Variants in CRADD observed in about 807,000 individuals in gnomAD.
The protein encoded by CRADD is CARD and death domain containing adaptor protein, also known as death domain-containing protein CRADD.
A neutral mutation model predicts 15.5 loss-of-function variants in CRADD; 9 were observed. The observed-to-expected ratio is 0.58, with a 90% CI of 0.35 to 1.01. CRADD has a LOEUF of 1.01. Ranked by LOEUF, CRADD falls within the 50% of genes least tolerant of loss-of-function variation. The pLI is 0.02. For missense variants in CRADD, 227 were observed against 250.3 expected (o/e 0.91, Z 0.63); for synonymous variants, 118 against 107.6 (o/e 1.10, Z -0.60).
chr12:93,725,724 G>C (rs1031254449), intron 2 of CRADD, among the ~76,000 whole-genome samples: 7 of 152,208 alleles, frequency 4.6e-5, no homozygotes, highest in Non-Finnish European at 8.8e-5. Context: ...GTCTATTGTA[G>C]GTTGAGAAGC....
chr12:93,835,066 C>T (rs1356431294), intron 2 of CRADD, among the ~76,000 whole-genome samples: 2 of 152,174 alleles, frequency 1.3e-5, no homozygotes, highest in African/African-American at 4.8e-5. Context: ...CACTGGCCCC[C>T]CCATTGGTAT....
At chr12:93,852,070 T>C (rs1343604677), downstream of CRADD, among the ~76,000 whole-genome samples, 1 of 152,244 alleles carries the variant, frequency 6.6e-6, no homozygotes, top group African/African-American at 2.4e-5. Context: ...TTCATTATCT[T>C]ATAAAATTCT....
chr12:93,702,964 G>GT (rs1351583468), intron 2 of CRADD, among the ~76,000 whole-genome samples: 1 of 152,122 alleles, frequency 6.6e-6, no homozygotes, highest in Non-Finnish European at 1.5e-5. Flanking sequence ...CATTTATGTT[G>GT]TTTTGTTCAA....
chr12:93,886,999 A>G (rs535700662), intron 2 of CRADD, among the ~76,000 whole-genome samples: 2 of 152,326 alleles, frequency 1.3e-5, no homozygotes, highest in South Asian at 4.1e-4. Context: ...CTGAAGTTCA[A>G]GGAAGTTAGG....
intron 2 of CRADD, among the ~76,000 whole-genome samples, chr12:93,804,553 G>A (rs1033730025): frequency 2.6e-5 from 4 of 152,024 alleles, no homozygotes; most frequent in Admixed American, 2.0e-4. Context: ...GGTGTCTGCC[G>A]GAGTCATGGT....
chr12:93,813,126 G>A (rs565403300), intron 2 of CRADD, among the ~76,000 whole-genome samples: 6 of 152,324 alleles, frequency 3.9e-5, no homozygotes, highest in African/African-American at 1.2e-4. Context: ...AGCTGATAGA[G>A]CAGAAGGGAT....
chr12:93,711,055 C>CCCCCCCCCT, intron 2 of CRADD, among the ~76,000 whole-genome samples: 5 of 43,500 alleles, frequency 1.1e-4, no homozygotes, highest in South Asian at 1.3e-3. Flanking sequence ...CCACCCCCGC[C>CCCCCCCCCT]TTTTTTTTTT....
intron 2 of CRADD, among the ~76,000 whole-genome samples, chr12:93,797,215 G>A (rs1957428200): frequency 6.6e-6 from 1 of 152,162 alleles, no homozygotes; most frequent in African/African-American, 2.4e-5. Flanking sequence ...CTTTGAGAGT[G>A]AGGGGAACAC....
At chr12:93,726,702 T>G (rs10777535) in intron 2 of CRADD, among the ~76,000 whole-genome samples, 61,538 of 151,756 alleles carry the variant, frequency 0.41, 12,944 homozygotes, top group East Asian at 0.56. Flanking sequence ...ATTTTTTTTT[T>G]CTGCTGTGGA....
chr12:93,688,459 C>T (rs1481046538), intron 2 of CRADD, among the ~76,000 whole-genome samples: 1 of 149,634 alleles, frequency 6.7e-6, no homozygotes, highest in African/African-American at 2.5e-5. Context: ...GTCGAGAGCA[C>T]ACTCCATCCT....
chr12:93,801,845 C>T (rs1957479719), intron 2 of CRADD, among the ~76,000 whole-genome samples: 1 of 152,162 alleles, frequency 6.6e-6, no homozygotes, highest in Admixed American at 6.5e-5. Flanking sequence ...TTTTATACCT[C>T]ACCCCCTCCC....
At chr12:93,808,073 C>T (rs925755070) in intron 2 of CRADD, among the ~76,000 whole-genome samples, 9 of 145,916 alleles carry the variant, frequency 6.2e-5, no homozygotes, top group South Asian at 4.4e-4. Context: ...GGTGGGGAGG[C>T]CCCCATTCAG....
intron 2 of CRADD, among the ~76,000 whole-genome samples, chr12:93,863,293 A>G (rs1958332064): frequency 6.6e-6 from 1 of 152,122 alleles, no homozygotes; most frequent in African/African-American, 2.4e-5. Context: ...AGTTCTGTCT[A>G]TAGCCCCAGG....
chr12:93,754,450 A>G (rs547563196), intron 2 of CRADD, among the ~76,000 whole-genome samples: 16 of 152,336 alleles, frequency 1.1e-4, no homozygotes, highest in African/African-American at 3.4e-4. Context: ...TTTCTGTTGT[A>G]TCATCAGCCT....
At chr12:93,753,059 CAT>C (rs201789748) in intron 2 of CRADD, among the ~76,000 whole-genome samples, 3,389 of 152,222 alleles carry the variant, frequency 0.022, 51 homozygotes, top group Non-Finnish European at 0.036. Context: ...CTTCCCACGA[CAT>C]GTGGGAATTG....
chr12:93,855,996 C>T (rs532895576), intron 2 of CRADD, among the ~76,000 whole-genome samples: 50 of 152,192 alleles, frequency 3.3e-4, no homozygotes, highest in African/African-American at 9.9e-4. Flanking sequence ...GTAGTAGAGA[C>T]GGGGTTTCGC....
chr12:93,726,094 G>GTTTTTTTTTTTTTTTTTTTTTTTTT (rs1165429350), intron 2 of CRADD, among the ~76,000 whole-genome samples: 3 of 96,010 alleles, frequency 3.1e-5, no homozygotes, highest in African/African-American at 3.7e-5. Context: ...AAATAGTTTA[G>GTTTTTTTTTTTTTTTTTTTTTTTTT]TTTTTTTTTT....
intron 2 of CRADD, among the ~76,000 whole-genome samples, chr12:93,744,173 C>T (rs1274871233): frequency 1.3e-5 from 2 of 152,202 alleles, no homozygotes; most frequent in African/African-American, 4.8e-5. Flanking sequence ...CCAGGGCCTT[C>T]ACAAGGCTGA....
chr12:93,842,828 G>T, intron 2 of CRADD, among the ~76,000 whole-genome samples: 1 of 140,656 alleles, frequency 7.1e-6, no homozygotes, highest in Non-Finnish European at 1.5e-5. Flanking sequence ...GTGGGGGAGA[G>T]TAGGGGGAGG....
Sources: allele counts gnomAD v4.1 joint callset (sites outside exome capture counted in the v4.1 genomes callset), GRCh38; gene constraint gnomAD v4.1.1; transcripts MANE v1.5; gene names NCBI Gene and HGNC (gene_info 2026-07-23, HGNC 2026-07-21).